The following NRG1 variants were observed in gnomAD, a reference collection of about 807,000 sequenced individuals.
NRG1 encodes the protein pro-neuregulin-1, membrane-bound isoform.
Under a neutral mutation model 63.8 loss-of-function variants are expected in NRG1, and 18 were observed. The observed-to-expected ratio is 0.28, with a 90% CI of 0.19 to 0.42. The LOEUF (loss-of-function observed/expected upper bound fraction) is 0.42, where lower values mean the gene tolerates loss of function less well. NRG1 is among the 10% of genes least tolerant of loss of function. The probability of loss-of-function intolerance (pLI) is 1.00; values close to 1 mark genes in which losing one functional copy is unlikely to be tolerated. For synonymous variants in NRG1, 302 were observed against 301.3 expected, an observed-to-expected ratio of 1.00 and a Z score of -0.02; for missense variants, 762 against 814.7, an observed-to-expected ratio of 0.94 and a Z score of 0.79.
rs146643523 is a variant in NRG1, at chr8:32,668,198, G to A, written c.502+51313G>A. On this transcript the variant is annotated intron_variant, in intron 5 of 11. Coordinates refer to ENST00000356819, the Ensembl canonical transcript of NRG1. ...ACTGCACTCCAGCCAGGGCGACAGA[G>A]TGAGACTCCATCTCAAAAAAAAAAA... is the stretch of plus-strand genomic sequence containing the variant. Among the ~76,000 whole-genome samples, 1,236 of 145,020 alleles carry A rather than the reference G, an allele frequency of 8.5e-3. 7 individuals carry two copies. The highest frequency in any genetic ancestry group is 0.025 in the Middle Eastern group (7 of 282).
At chr8:31,728,043 C>T (rs1293911307) in intron 1 of NRG1, among the ~76,000 whole-genome samples, 3 of 152,126 alleles carry the variant, frequency 2.0e-5, no homozygotes, top group Admixed American at 1.3e-4. Flanking sequence ...TTCATCTTGC[C>T]ACATAGAATA....
Position 32,548,616 on chromosome 8 carries a change from C to A in NRG1, c.-111C>A, listed in dbSNP as rs939069268. 1.9e-5 allele frequency: 26 copies of A among 1,395,666 alleles called. No individual in the cohort carries two copies. The African/African-American group carries it at 3.3e-4, about 18-fold the overall frequency. 86.5% of individuals were successfully genotyped at this position (1,395,666 alleles called of 1,614,324 possible). A position where few individuals can be genotyped will look rare whatever the true frequency, so the allele number is the denominator to read the frequency against. On this transcript the variant is annotated 5_prime_UTR_variant, in exon 1 of 12. Coordinates refer to ENST00000356819, the Ensembl canonical transcript of NRG1. ...CGCAGCGCGAGCGCCTCAGCGCGGC[C>A]GCTCGCTCTCCCCCTCGAGGGACAA...
chr8:32,041,707 A>G (rs1820073645), intron 1 of NRG1, among the ~76,000 whole-genome samples: 1 of 152,182 alleles, frequency 6.6e-6, no homozygotes, highest in Non-Finnish European at 1.5e-5. Flanking sequence ...TTGGCCTCCA[A>G]CATGGGTACA....
At chr8:32,675,589 T>C (rs573167306) in intron 5 of NRG1, among the ~76,000 whole-genome samples, 1 of 152,336 alleles carries the variant, frequency 6.6e-6, no homozygotes, top group East Asian at 1.9e-4. Context: ...AATTTTATCC[T>C]TTCTGCTTAG....
At chr8:31,754,574 G>A (rs981174175) in intron 1 of NRG1, among the ~76,000 whole-genome samples, 1 of 151,986 alleles carries the variant, frequency 6.6e-6, no homozygotes, top group East Asian at 1.9e-4. Flanking sequence ...CCATTCTCGG[G>A]TATTTCTTTA....
At chr8:31,923,522 G>C (rs538282979) in intron 1 of NRG1, among the ~76,000 whole-genome samples, 1 of 152,292 alleles carries the variant, frequency 6.6e-6, no homozygotes, top group East Asian at 1.9e-4. Flanking sequence ...GATTGTGTAT[G>C]ATTGCTGTAA....
intron 1 of NRG1, among the ~76,000 whole-genome samples, chr8:32,296,603 T>A (rs1586680602): frequency 8.4e-6 from 1 of 118,460 alleles, no homozygotes. Flanking sequence ...GCGACAAGAG[T>A]GAAACTTTGT....
At chr8:31,723,109 T>C (rs376160632) in intron 1 of NRG1, among the ~76,000 whole-genome samples, 2 of 152,312 alleles carry the variant, frequency 1.3e-5, no homozygotes, top group African/African-American at 4.8e-5. Context: ...GAACTTAATC[T>C]TGATCTTATA....
chr8:31,961,067 G>T (rs1464387715), intron 1 of NRG1, among the ~76,000 whole-genome samples: 1 of 152,128 alleles, frequency 6.6e-6, no homozygotes, highest in East Asian at 1.9e-4. Context: ...GATGATTTGC[G>T]TTAAGAGGTT....
chr8:31,838,387 T>C (rs1467284198), intron 1 of NRG1, among the ~76,000 whole-genome samples: 1 of 152,180 alleles, frequency 6.6e-6, no homozygotes, highest in African/African-American at 2.4e-5. Flanking sequence ...TATTCTCTCA[T>C]TGCTGCATTT....
chr8:32,428,614 C>T (rs949974132), intron 1 of NRG1, among the ~76,000 whole-genome samples: 6 of 152,198 alleles, frequency 3.9e-5, no homozygotes, highest in African/African-American at 1.4e-4. Context: ...GCTCAGTTAG[C>T]TGCTGGTTGT....
intron 1 of NRG1, among the ~76,000 whole-genome samples, chr8:31,768,488 A>G (rs1818297719): frequency 6.6e-6 from 1 of 152,182 alleles, no homozygotes; most frequent in South Asian, 2.1e-4. Flanking sequence ...TGTGAAGATG[A>G]CTGGAATGTT....
chr8:32,319,730 A>C (rs181674854), intron 1 of NRG1, among the ~76,000 whole-genome samples: 44 of 152,294 alleles, frequency 2.9e-4, no homozygotes, highest in African/African-American at 9.4e-4. Context: ...TAGGCTAATA[A>C]CATAAATTAG....
chr8:32,459,781 C>T (rs62500184), intron 1 of NRG1, among the ~76,000 whole-genome samples: 2,344 of 152,314 alleles, frequency 0.015, 23 homozygotes, highest in Middle Eastern at 0.041. Flanking sequence ...CACTGGACTG[C>T]AGTTATTGCT....
At chr8:32,211,877 G>A (rs1384058523) in intron 1 of NRG1, among the ~76,000 whole-genome samples, 1 of 152,026 alleles carries the variant, frequency 6.6e-6, no homozygotes, top group African/African-American at 2.4e-5. Context: ...TCCAAGGATA[G>A]AAAAATACTG....
Position 32,322,355 on chromosome 8 carries a change from T to TATATA in NRG1, c.38-273473_38-273472insATATA, listed in dbSNP as rs1563313662. On this transcript the variant is annotated intron_variant, in intron 1 of 10. Coordinates refer to the NRG1 transcript ENST00000519301. ...AACCTTATTTAAGTGCAACCTTATT[T>TATATA]TATATATATATATATATATATACCC... is the stretch of plus-strand genomic sequence containing the variant. 4.2e-3 allele frequency among the ~76,000 whole-genome samples: 601 copies of TATATA among 142,652 alleles called. 4 individuals carry two copies. The highest frequency in any genetic ancestry group is 0.015 in the African/African-American group (569 of 38,048). The allele number at this position is 142,652 out of a possible 152,430, so 93.6% of individuals were successfully genotyped here. A position where few individuals can be genotyped will look rare whatever the true frequency, so the allele number is the denominator to read the frequency against.
At chr8:31,764,522 C>G (rs1054974312) in intron 1 of NRG1, among the ~76,000 whole-genome samples, 1 of 151,928 alleles carries the variant, frequency 6.6e-6, no homozygotes. Context: ...TGATTCCTCC[C>G]ACTTCATAAT....
intron 1 of NRG1, among the ~76,000 whole-genome samples, chr8:32,428,174 A>T (rs1407922319): frequency 2.0e-5 from 3 of 152,126 alleles, no homozygotes; most frequent in African/African-American, 7.2e-5. Flanking sequence ...GACACCACAC[A>T]AGTCACTTCC....
intron 1 of NRG1, among the ~76,000 whole-genome samples, chr8:31,985,654 A>G (rs1198078891): frequency 6.6e-6 from 1 of 152,142 alleles, no homozygotes; most frequent in Non-Finnish European, 1.5e-5. Context: ...AAACAAAAAT[A>G]TAATGACATT....
Sources: allele counts gnomAD v4.1 joint callset (sites outside exome capture counted in the v4.1 genomes callset), GRCh38; gene constraint gnomAD v4.1.1; transcripts MANE v1.5; gene names NCBI Gene and HGNC (gene_info 2026-07-23, HGNC 2026-07-21).